Variants in PIEZO2 observed in about 807,000 individuals in gnomAD.
The protein encoded by PIEZO2 is piezo type mechanosensitive ion channel component 2.
A neutral mutation model predicts 337.3 loss-of-function variants in PIEZO2; 172 were observed. The observed-to-expected ratio is 0.51, with a 90% CI of 0.45 to 0.58. The LOEUF (loss-of-function observed/expected upper bound fraction) is 0.58. PIEZO2 is among the 20% of genes least tolerant of loss of function. PIEZO2 has a pLI of 0.00. For synonymous variants in PIEZO2, 1,251 were observed against 1,228.5 expected, an observed-to-expected ratio of 1.02 and a Z score of -0.38; for missense variants, 3,028 against 3,391.3, an observed-to-expected ratio of 0.89 and a Z score of 2.66.
At chr18:10,914,912 T>A (rs1196802778) in intron 3 of PIEZO2, among the ~76,000 whole-genome samples, 2 of 152,002 alleles carry the variant, frequency 1.3e-5, no homozygotes, top group East Asian at 3.9e-4. Context: ...AACCAGCCTT[T>A]AAGCTCCTTT....
rs1270658534 is a variant in PIEZO2, at chr18:10,727,719, G to A, written c.5029+3688C>T. 1 of 152,742 alleles carries A rather than the reference G, an allele frequency of 6.5e-6. No homozygotes were observed. Among genetic ancestry groups the A allele is most frequent in the Non-Finnish European group, 1.5e-5 (1 of 68,552 alleles). The allele number at this position is 152,742 out of a possible 1,614,324, so 9.5% of individuals were successfully genotyped here. A position where few individuals can be genotyped will look rare whatever the true frequency, so the allele number is the denominator to read the frequency against. ...GGCCCTGTCCCCACTCCCTCCACTGGCCTCTGCTTTTCCTGTCTTTGCCCA... is the reference window on the plus strand; with the variant it reads ...GGCCCTGTCCCCACTCCCTCCACTGACCTCTGCTTTTCCTGTCTTTGCCCA... On this transcript the variant is annotated intron_variant, in intron 36 of 55. Coordinates refer to ENST00000674853, the MANE Select transcript of PIEZO2 (RefSeq NM_001378183.1). The surrounding 1 kb of genome is among the most constrained non-coding windows in gnomAD (Gnocchi z 6.3).
At chr18:10,876,348 AGTTT>A (rs1450888014) in intron 4 of PIEZO2, among the ~76,000 whole-genome samples, 1 of 152,226 alleles carries the variant, frequency 6.6e-6, no homozygotes, top group Non-Finnish European at 1.5e-5. Context: ...ATTTCTTACC[AGTTT>A]CTTCTAAGAC....
At position 11,096,401 on chromosome 18, in the gene PIEZO2, G is replaced by A. The variant is rs2039264553; in HGVS notation, c.65-30179C>T. Among the ~76,000 whole-genome samples the A allele has an allele frequency of 6.6e-6, 1 of 152,214 alleles. No homozygotes were observed. Among genetic ancestry groups the A allele is most frequent in the Admixed American group, 6.5e-5 (1 of 15,284 alleles). ...CAGGCTTACAAAGGTGGACATCAGA[G>A]CAGAAATCCAGGAGCCTGGTCCCGG... On this transcript the variant is annotated intron_variant, in intron 1 of 55. Transcript: ENST00000674853. This position sits in a 1 kb window ranked among gnomAD's most constrained non-coding sequence, Gnocchi z 4.6.
At chr18:11,050,792 C>CTATATATATATATATATATAATA (rs528083260) in intron 2 of PIEZO2, among the ~76,000 whole-genome samples, 1 of 143,766 alleles carries the variant, frequency 7.0e-6, no homozygotes, top group African/African-American at 2.6e-5. Flanking sequence ...TCCTAAAAAA[C>CTATATATATATATATATATAATA]TATATATATA....
At chr18:10,971,257 C>T (rs1376549841) in intron 3 of PIEZO2, among the ~76,000 whole-genome samples, 1 of 152,120 alleles carries the variant, frequency 6.6e-6, no homozygotes, top group Non-Finnish European at 1.5e-5. Context: ...GTAATTCTGG[C>T]GACAGCCTCA....
At chr18:11,091,389 AAAAAAAAAAAG>A (rs1380003577) in intron 1 of PIEZO2, among the ~76,000 whole-genome samples, 2 of 122,796 alleles carry the variant, frequency 1.6e-5, no homozygotes, top group Non-Finnish European at 3.8e-5. Context: ...GTCTCAAAAA[AAAAAAAAAAAG>A]AAAAAAAGAA....
intron 7 of PIEZO2, among the ~76,000 whole-genome samples, chr18:10,845,186 T>TG (rs1245324300): frequency 1.5e-5 from 2 of 136,836 alleles, no homozygotes; most frequent in Admixed American, 1.6e-4. Flanking sequence ...ATTTTTCCCA[T>TG]TGTGTGTGTG....
rs1407341040 is a variant in PIEZO2 at position 10,800,428 on chromosome 18, G to C, written c.1287C>G (p.Ile429Met). 17 of 1,536,228 alleles carry C rather than the reference G, an allele frequency of 1.1e-5. No homozygotes were observed. The highest frequency in any genetic ancestry group is 1.4e-5 in the Non-Finnish European group (16 of 1,146,452). Reference sequence around the variant, plus strand: ...CGTTCTCCATGGGCAGGCTTGGGTGGATGGTGTGGTAATCCACGGGGTTGC... The same window carrying C: ...CGTTCTCCATGGGCAGGCTTGGGTGCATGGTGTGGTAATCCACGGGGTTGC... Reference protein sequence around the residue: ...VNGNPVDYHTIHPSLPMENGP... With the variant: ...VNGNPVDYHTMHPSLPMENGP... The change falls in exon 11 of 56, where the codon ATC (isoleucine) becomes ATG (methionine). Residue 429 changes from isoleucine (I) to methionine (M), a missense_variant. By Grantham distance (10) the Ile-to-Met change is conservative. Coordinates refer to ENST00000674853, the MANE Select transcript of PIEZO2 (RefSeq NM_001378183.1).
intron 16 of PIEZO2, 89 bp from the exon 17 acceptor site, chr18:10,785,046 ACT>A: frequency 1.5e-6 from 2 of 1,353,496 alleles, no homozygotes; most frequent in South Asian, 1.5e-5. Flanking sequence ...ACAGTCTTAC[ACT>A]CCTGTCAGGT....
chr18:10,696,157 T>G lies in PIEZO2; in HGVS notation c.7107A>C (p.Val2369=). ...VDRALYLRKT[V]LGKVIFQVIL... Reference sequence around the variant, plus strand: ...TGACCTGGAAGATGACCTTTCCCAGTACAGTCTTCCTGAGGTAGAGGGCTC... The same window carrying G: ...TGACCTGGAAGATGACCTTTCCCAGGACAGTCTTCCTGAGGTAGAGGGCTC... The change falls in exon 47 of 56, where the codon GTA becomes GTC. Residue 2369 remains valine, a synonymous_variant. Coordinates refer to ENST00000674853, the MANE Select transcript of PIEZO2 (RefSeq NM_001378183.1). 3.7e-6 allele frequency: 6 copies of G among 1,614,128 alleles called. No homozygotes were observed. Among genetic ancestry groups the G allele is most frequent in the Non-Finnish European group, 5.1e-6 (6 of 1,179,980 alleles).
chr18:11,029,890 C>T (rs2036670312), intron 2 of PIEZO2, among the ~76,000 whole-genome samples: 1 of 152,172 alleles, frequency 6.6e-6, no homozygotes, highest in Admixed American at 6.5e-5. Flanking sequence ...CCAGTAATTC[C>T]ACCATGGCCA....
At chr18:11,071,498 G>T (rs144697037) in intron 1 of PIEZO2, among the ~76,000 whole-genome samples, 1 of 152,250 alleles carries the variant, frequency 6.6e-6, no homozygotes, top group Non-Finnish European at 1.5e-5. Context: ...GGGAGCTGAC[G>T]TTCTGGTGGG....
chr18:11,085,519 C>A (rs1311770585), intron 1 of PIEZO2, among the ~76,000 whole-genome samples: 1 of 152,224 alleles, frequency 6.6e-6, no homozygotes, highest in Non-Finnish European at 1.5e-5. Flanking sequence ...AGCTTCTCCA[C>A]TCAGCCCTTG....
At position 10,789,148 on chromosome 18, in the gene PIEZO2, G is replaced by T; in HGVS notation, c.2100C>A (p.Phe700Leu). ...VCGGMFFFVS[F>L]EGKIVMYKII... ...TTTTGTACATTACGATTTTACCCTC[G>T]AAGCTGACGAAGAAGAACATGCCTC... The change falls in exon 15 of 56, where the codon TTC becomes TTA. Residue 700 changes from phenylalanine to leucine, a missense_variant. Physicochemically the swap from Phe to Leu is conservative, Grantham distance 22 (BLOSUM62 0). Transcript: ENST00000674853. 1 of 1,537,214 alleles carries T rather than the reference G, an allele frequency of 6.5e-7. No individual in the cohort carries two copies.
intron 4 of PIEZO2, among the ~76,000 whole-genome samples, chr18:10,908,164 G>C (rs1460336045): frequency 2.6e-5 from 4 of 152,226 alleles, no homozygotes; most frequent in African/African-American, 9.6e-5. Context: ...ACATCTCAGG[G>C]GAGGTCCACC....
intron 3 of PIEZO2, among the ~76,000 whole-genome samples, chr18:10,928,669 G>A (rs1238643450): frequency 1.3e-5 from 2 of 152,222 alleles, no homozygotes; most frequent in African/African-American, 2.4e-5. Flanking sequence ...CCACAAGTAC[G>A]CATTAAATTC....
intron 2 of PIEZO2, among the ~76,000 whole-genome samples, chr18:11,065,200 T>G (rs371694644): frequency 6.6e-6 from 1 of 152,218 alleles, no homozygotes; most frequent in Admixed American, 6.5e-5. Context: ...TGTTGTTCTG[T>G]GTACACCGTG....
At chr18:10,770,118 A>G in intron 21 of PIEZO2, 30 bp downstream of exon 21, 1 of 1,535,446 alleles carries the variant, frequency 6.5e-7, no homozygotes, top group Non-Finnish European at 8.7e-7. Context: ...GGTTCTGTTC[A>G]GCCTGATGAT....
chr18:10,913,684 C>T (rs1329772847), intron 3 of PIEZO2, among the ~76,000 whole-genome samples: 3 of 152,000 alleles, frequency 2.0e-5, no homozygotes, highest in African/African-American at 2.4e-5. Flanking sequence ...CCTACTTCTG[C>T]GAAATGTAAA....
Sources: gnomAD v4.1 joint callset for allele counts (sites outside exome capture counted in the v4.1 genomes callset) on GRCh38, gnomAD v4.1.1 for gene constraint, Gnocchi (gnomAD v3.1) non-coding constraint, MANE v1.5 for transcripts, NCBI Gene and HGNC (gene_info 2026-07-23, HGNC 2026-07-21) for gene names.